HYCC2: variants seen among roughly 807,000 people sequenced by gnomAD.
HYCC2 encodes hyccin 2.
At chr2:201,060,400 T>C in the HYCC2 span, among the ~76,000 whole-genome samples, 1 of 152,098 alleles carries the variant, frequency 6.6e-6, no homozygotes, top group African/African-American at 2.4e-5. Context: ...TCAGAAGAAG[T>C]GTTGTGTAGG....
the HYCC2 span, chr2:201,022,689 A>G: frequency 6.2e-5 from 32 of 519,706 alleles, no homozygotes; most frequent in Non-Finnish European, 1.1e-4. Context: ...GGGAAAGCCA[A>G]AGCAACTATC....
chr2:201,041,007 A>G, the HYCC2 span, among the ~76,000 whole-genome samples: 1 of 152,128 alleles, frequency 6.6e-6, no homozygotes, highest in East Asian at 1.9e-4. Context: ...AAACCCTTGT[A>G]CCCTCTTACT....
At chr2:201,035,927 A>T in the HYCC2 span, among the ~76,000 whole-genome samples, 3 of 152,162 alleles carry the variant, frequency 2.0e-5, no homozygotes, top group African/African-American at 4.8e-5. Flanking sequence ...GATATTGGTG[A>T]ACAGCAAATG....
At chr2:200,974,771 TA>T in the HYCC2 span, 1 of 151,956 alleles carries the variant, frequency 6.6e-6, no homozygotes, top group African/African-American at 2.4e-5. Flanking sequence ...ACTTTTGAAA[TA>T]AATCATTTAG....
chr2:201,010,287 G>A, the HYCC2 span, among the ~76,000 whole-genome samples: 1 of 152,100 alleles, frequency 6.6e-6, no homozygotes, highest in Non-Finnish European at 1.5e-5. Flanking sequence ...AAGTCCCACG[G>A]AATTAATTAA....
chr2:201,037,685 C>T, the HYCC2 span, among the ~76,000 whole-genome samples: 1 of 152,110 alleles, frequency 6.6e-6, no homozygotes, highest in Non-Finnish European at 1.5e-5. Context: ...AACTGGCTAG[C>T]CATAAGTAGA....
chr2:201,067,783 T>C, the HYCC2 span, among the ~76,000 whole-genome samples: 1 of 152,264 alleles, frequency 6.6e-6, no homozygotes, highest in Admixed American at 6.5e-5. Context: ...TTTCCAATTT[T>C]AGTTTAATTC....
chr2:200,980,533 C>T, the HYCC2 span: 82 of 152,658 alleles, frequency 5.4e-4, no homozygotes, highest in African/African-American at 2.0e-3. Context: ...AGAGGGAAGA[C>T]ACGTTAATAA....
At chr2:201,009,885 A>C in the HYCC2 span, among the ~76,000 whole-genome samples, 1 of 151,784 alleles carries the variant, frequency 6.6e-6, no homozygotes, top group Non-Finnish European at 1.5e-5. Context: ...GGGCAGATCA[A>C]GAGGTCAGGA....
the HYCC2 span, among the ~76,000 whole-genome samples, chr2:201,038,844 C>T: frequency 1.1e-3 from 174 of 151,450 alleles, no homozygotes; most frequent in Non-Finnish European, 1.9e-3. Flanking sequence ...TGTATACATA[C>T]GTAACAAACC....
At chr2:200,975,149 A>C in the HYCC2 span, 1 of 152,028 alleles carries the variant, frequency 6.6e-6, no homozygotes. Context: ...TAAAATATTG[A>C]CATTTATTGA....
the HYCC2 span, among the ~76,000 whole-genome samples, chr2:201,014,833 T>C: frequency 6.6e-6 from 1 of 152,134 alleles, no homozygotes; most frequent in Non-Finnish European, 1.5e-5. Flanking sequence ...ACACAAAATA[T>C]AAGACTTCAA....
chr2:201,047,445 C>CATATATATATATATATATAT, the HYCC2 span, among the ~76,000 whole-genome samples: 351 of 139,552 alleles, frequency 2.5e-3, 1 homozygote, highest in African/African-American at 8.4e-3. Flanking sequence ...TCACAGTTCT[C>CATATATATATATATATATAT]ATATATATAT....
At chr2:201,063,381 C>T in the HYCC2 span, 1 of 1,579,680 alleles carries the variant, frequency 6.3e-7, no homozygotes. Flanking sequence ...TCTCAAAGAC[C>T]AGGTGCCCAC....
chr2:201,040,459 GTT>G, the HYCC2 span, among the ~76,000 whole-genome samples: 2 of 135,150 alleles, frequency 1.5e-5, no homozygotes, highest in African/African-American at 2.7e-5. Flanking sequence ...TATTGCTTTT[GTT>G]TTTTTTTTTT....
At chr2:200,981,602 C>T in the HYCC2 span, 1 of 1,614,142 alleles carries the variant, frequency 6.2e-7, no homozygotes, top group Non-Finnish European at 8.5e-7. The surrounding 1 kb of genome is among the most constrained non-coding windows in gnomAD (Gnocchi z 4.5). Flanking sequence ...GGTGTCAGCT[C>T]AACTGAATCT....
the HYCC2 span, among the ~76,000 whole-genome samples, chr2:201,006,509 CAAG>C: frequency 6.6e-6 from 1 of 151,778 alleles, no homozygotes; most frequent in Non-Finnish European, 1.5e-5. Flanking sequence ...ACACTCAGAG[CAAG>C]AGATGATACT....
chr2:200,997,429 T>G, the HYCC2 span: 10 of 1,494,482 alleles, frequency 6.7e-6, no homozygotes, highest in Non-Finnish European at 9.3e-6. Flanking sequence ...AGATTAGTAA[T>G]AATCACTCTT....
At chr2:201,011,874 T>G in the HYCC2 span, among the ~76,000 whole-genome samples, 1 of 152,192 alleles carries the variant, frequency 6.6e-6, no homozygotes, top group Non-Finnish European at 1.5e-5. Flanking sequence ...ATCCAAGAGA[T>G]CCACACTTAC....
Sources: allele counts gnomAD v4.1 joint callset (sites outside exome capture counted in the v4.1 genomes callset), GRCh38; gene constraint gnomAD v4.1.1; non-coding constraint Gnocchi (gnomAD v3.1); transcripts MANE v1.5; gene names NCBI Gene and HGNC (gene_info 2026-07-23, HGNC 2026-07-21).